LINGO2: variants seen among roughly 807,000 people sequenced by gnomAD.
LINGO2 encodes leucine-rich repeat and immunoglobulin-like domain-containing nogo receptor-interacting protein 2.
Under a neutral mutation model 30.6 loss-of-function variants are expected in LINGO2, and 14 were observed. That is an observed-to-expected ratio of 0.46 (90% CI 0.30 to 0.72). LINGO2 has a LOEUF of 0.72. LINGO2 is among the 30% of genes least tolerant of loss of function. The probability of loss-of-function intolerance (pLI) is 0.07; values close to 1 mark genes in which losing one functional copy is unlikely to be tolerated. For synonymous variants in LINGO2, 317 were observed against 288.5 expected (o/e 1.10, Z -1.00); for missense variants, 729 against 751.7 (o/e 0.97, Z 0.35).
chr9:28,975,292 T>C, the LINGO2 span, among the ~76,000 whole-genome samples: 1 of 152,138 alleles, frequency 6.6e-6, no homozygotes, highest in Non-Finnish European at 1.5e-5. Flanking sequence ...TGAACCTAAT[T>C]AGTACATTTG....
chr9:28,775,870 C>T, the LINGO2 span, among the ~76,000 whole-genome samples: 2 of 152,108 alleles, frequency 1.3e-5, no homozygotes, highest in African/African-American at 4.8e-5. Flanking sequence ...CCTTGAGACC[C>T]TAGTGGTGAC....
At chr9:29,076,869 G>C in the LINGO2 span, among the ~76,000 whole-genome samples, 21 of 151,830 alleles carry the variant, frequency 1.4e-4, no homozygotes, top group African/African-American at 4.6e-4. Flanking sequence ...ATAATGTATG[G>C]AAGTTAGCAA....
chr9:28,433,310 T>G (rs545136143), intron 2 of LINGO2, among the ~76,000 whole-genome samples: 17 of 139,048 alleles, frequency 1.2e-4, no homozygotes, highest in Middle Eastern at 3.9e-3. Flanking sequence ...AAAGGGAAGA[T>G]CTCAGCCACT....
At chr9:29,145,896 T>G in the LINGO2 span, among the ~76,000 whole-genome samples, 1 of 152,176 alleles carries the variant, frequency 6.6e-6, no homozygotes, top group African/African-American at 2.4e-5. Context: ...GATATGTATT[T>G]ATGTTATATG....
chr9:28,348,340 C>T (rs192894941), intron 3 of LINGO2, among the ~76,000 whole-genome samples: 17 of 152,180 alleles, frequency 1.1e-4, no homozygotes, highest in East Asian at 3.9e-4. Context: ...ACTTGGGAAG[C>T]GCAAGGGGTC....
intron 4 of LINGO2, among the ~76,000 whole-genome samples, chr9:28,268,556 T>C (rs1822834019): frequency 1.3e-5 from 2 of 152,132 alleles, no homozygotes; most frequent in East Asian, 1.9e-4. Flanking sequence ...ATGAGTCCAT[T>C]TGAGTATAAG....
In LINGO2 at chr9:28,435,015, T is replaced by A. The variant is rs894362689; in HGVS notation, c.-279+40925A>T. On this transcript the variant is annotated intron_variant, in intron 2 of 5. Coordinates refer to ENST00000379992, the Ensembl canonical transcript of LINGO2. ...AAACTTTCATTTTACTTAAAAAAAA[T>A]TCCCTGTGAAAAGACCCACTTTTTT... Among the ~76,000 whole-genome samples, 5 of 152,148 alleles carry A rather than the reference T, an allele frequency of 3.3e-5. No homozygotes were observed. In the South Asian group the frequency reaches 8.3e-4, roughly 25 times the overall value.
the LINGO2 span, among the ~76,000 whole-genome samples, chr9:29,202,307 T>C: frequency 6.6e-6 from 1 of 152,000 alleles, no homozygotes; most frequent in Non-Finnish European, 1.5e-5. Context: ...AGTAGGAGTC[T>C]TCCCATGTGA....
chr9:28,899,667 G>A, the LINGO2 span, among the ~76,000 whole-genome samples: 1 of 152,168 alleles, frequency 6.6e-6, no homozygotes, highest in Non-Finnish European at 1.5e-5. Context: ...ATAGGTTCCT[G>A]GCCCTCCCTA....
chr9:28,638,405 T>C (rs575305181), intron 1 of LINGO2, among the ~76,000 whole-genome samples: 216 of 152,280 alleles, frequency 1.4e-3, no homozygotes, highest in African/African-American at 4.9e-3. Context: ...TACCAGCTCC[T>C]CCTTGTACCT....
At chr9:29,067,433 A>C in the LINGO2 span, among the ~76,000 whole-genome samples, 1 of 151,760 alleles carries the variant, frequency 6.6e-6, no homozygotes, top group African/African-American at 2.4e-5. Context: ...AACTCTTATA[A>C]TTTCTTAATT....
At position 28,600,390 on chromosome 9, in the gene LINGO2, A is replaced by T. The variant is rs548511087; in HGVS notation, c.-365+69810T>A. Among the ~76,000 whole-genome samples, 9 of 152,260 alleles carry T rather than the reference A, an allele frequency of 5.9e-5. No homozygotes were observed. In the South Asian group the frequency reaches 1.9e-3, roughly 32 times the overall value. ...TGTATTGTTTCATTGTTATATGTTT[A>T]TATCAATGAATCCACAACATTCACT... On this transcript the variant is annotated intron_variant, in intron 1 of 5. Coordinates refer to ENST00000379992, the Ensembl canonical transcript of LINGO2.
At chr9:29,089,863 A>C in the LINGO2 span, among the ~76,000 whole-genome samples, 1 of 152,032 alleles carries the variant, frequency 6.6e-6, no homozygotes, top group East Asian at 1.9e-4. Flanking sequence ...ATGGAATGGT[A>C]TGTAAACCCC....
At chr9:28,865,866 A>T in the LINGO2 span, among the ~76,000 whole-genome samples, 1 of 152,342 alleles carries the variant, frequency 6.6e-6, no homozygotes, top group South Asian at 2.1e-4. Context: ...TAACCATTCC[A>T]ATCCAAATGT....
the LINGO2 span, among the ~76,000 whole-genome samples, chr9:29,000,657 CAT>C: frequency 6.6e-6 from 1 of 151,876 alleles, no homozygotes. Context: ...GAAATACAAA[CAT>C]AGAGCTTTTA....
chr9:28,346,716 A>G (rs1238878432), intron 3 of LINGO2, among the ~76,000 whole-genome samples: 1 of 151,954 alleles, frequency 6.6e-6, no homozygotes, highest in South Asian at 2.1e-4. Flanking sequence ...TGATTTTTTA[A>G]TAGCCATTCT....
chr9:28,639,304 G>A (rs928125996), intron 1 of LINGO2, among the ~76,000 whole-genome samples: 8 of 152,276 alleles, frequency 5.3e-5, no homozygotes, highest in Non-Finnish European at 8.8e-5. Context: ...CTGTTGATTT[G>A]GGGTGGAGAG....
At chr9:28,865,917 GGT>G in the LINGO2 span, among the ~76,000 whole-genome samples, 1 of 151,976 alleles carries the variant, frequency 6.6e-6, no homozygotes, top group African/African-American at 2.4e-5. Flanking sequence ...AATAATCCAG[GGT>G]GTGTTTTTAC....
the LINGO2 span, among the ~76,000 whole-genome samples, chr9:28,884,996 T>TTTTATATA: frequency 6.3e-5 from 1 of 15,898 alleles, no homozygotes; most frequent in African/African-American, 2.1e-4. Context: ...TAATAATATA[T>TTTTATATA]TATATATATA....
Sources: gnomAD v4.1 joint callset for allele counts (sites outside exome capture counted in the v4.1 genomes callset) on GRCh38, gnomAD v4.1.1 for gene constraint, MANE v1.5 for transcripts, NCBI Gene and HGNC (gene_info 2026-07-23, HGNC 2026-07-21) for gene names.